The following UBQLN1 variants were observed in gnomAD, a reference collection of about 807,000 sequenced individuals.
The protein encoded by UBQLN1 is ubiquilin 1, also known as ubiquilin-1.
UBQLN1 carries 13 observed loss-of-function variants against 65.4 expected under a neutral mutation model. The ratio of observed to expected loss-of-function variants is 0.20; its 90% CI spans 0.13 to 0.32. The LOEUF is 0.32. Among genes scored for constraint, UBQLN1 ranks in the 10% least tolerant of loss-of-function variants. UBQLN1 has a pLI of 1.00. For missense variants in UBQLN1, 561 were observed against 724.0 expected (o/e 0.77, Z 2.58); for synonymous variants, 267 against 247.8 (o/e 1.08, Z -0.73).
At chr9:83,693,297 C>G (rs1832157963) in intron 1 of UBQLN1, among the ~76,000 whole-genome samples, 1 of 152,192 alleles carries the variant, frequency 6.6e-6, no homozygotes, top group South Asian at 2.1e-4. Context: ...CTCCAGCTAA[C>G]TGAAGGTTAC....
At chr9:83,663,287 T>C (rs1193822971) in intron 10 of UBQLN1, among the ~76,000 whole-genome samples, 3 of 152,178 alleles carry the variant, frequency 2.0e-5, no homozygotes, top group African/African-American at 7.2e-5. Flanking sequence ...AAAACAGGTT[T>C]AAACTGGCGA....
At chr9:83,701,531 G>A (rs903708232) in intron 1 of UBQLN1, among the ~76,000 whole-genome samples, 2 of 152,128 alleles carry the variant, frequency 1.3e-5, no homozygotes, top group Non-Finnish European at 2.9e-5. Context: ...ATAACAAAAA[G>A]CAAATTTGTC....
chr9:83,704,699 C>T (rs755380452), intron 1 of UBQLN1, among the ~76,000 whole-genome samples: 12 of 151,716 alleles, frequency 7.9e-5, no homozygotes, highest in East Asian at 1.9e-4. Flanking sequence ...GTGTGGCATG[C>T]GCCTGTAGTC....
intron 8 of UBQLN1, among the ~76,000 whole-genome samples, chr9:83,665,785 TCTC>T (rs1323637302): frequency 6.6e-6 from 1 of 152,186 alleles, no homozygotes; most frequent in Non-Finnish European, 1.5e-5. Context: ...AAGACTGACT[TCTC>T]TTTTGTCGTT....
intron 1 of UBQLN1, among the ~76,000 whole-genome samples, chr9:83,695,141 GAA>G (rs1832188613): frequency 7.0e-6 from 1 of 142,020 alleles, no homozygotes; most frequent in African/African-American, 2.6e-5. Context: ...TTTCTGGACA[GAA>G]TCACCCAAAA....
chr9:83,696,291 T>G lies in UBQLN1; in HGVS notation c.181-10136A>C, dbSNP rs552375346. Among the ~76,000 whole-genome samples, 19 of 152,318 alleles carry G rather than the reference T, an allele frequency of 1.2e-4. No homozygotes were observed. In the South Asian group the frequency reaches 3.9e-3, roughly 32 times the overall value. ...AATATATCTATCACCTCTCTTATCT[T>G]TTTTGTAGTTGCAGCTGCTGGTACA... On this transcript the variant is annotated intron_variant, in intron 1 of 10. Transcript: ENST00000376395.
intron 6 of UBQLN1, among the ~76,000 whole-genome samples, chr9:83,672,445 T>C (rs1339080772): frequency 2.0e-5 from 3 of 152,216 alleles, no homozygotes; most frequent in Non-Finnish European, 4.4e-5. Context: ...ACTTGAATAC[T>C]TAGAGGCCAC....
At chr9:83,707,197 G>A (rs1014105256) in intron 1 of UBQLN1, among the ~76,000 whole-genome samples, 4 of 152,166 alleles carry the variant, frequency 2.6e-5, no homozygotes, top group African/African-American at 7.2e-5. Context: ...GGAGTTGGAG[G>A]GGAGGCGACG....
Position 83,687,640 on chromosome 9 carries a change from G to A in UBQLN1, c.181-1485C>T, listed in dbSNP as rs1016469547. ...AAAAAATCTTGTGGGGACAAGGAAG[G>A]GAAGGCATATATAAAAAACATGATA... is the stretch of plus-strand genomic sequence containing the variant. On this transcript the variant is annotated intron_variant, in intron 1 of 10. Coordinates refer to ENST00000376395, the MANE Select transcript of UBQLN1 (RefSeq NM_013438.5). Among the ~76,000 whole-genome samples, 3 of 152,056 alleles carry A rather than the reference G, an allele frequency of 2.0e-5. No individual in the cohort carries two copies. The East Asian group carries it at 5.8e-4, about 29-fold the overall frequency.
chr9:83,695,345 C>T (rs1368122413), intron 1 of UBQLN1, among the ~76,000 whole-genome samples: 1 of 151,990 alleles, frequency 6.6e-6, no homozygotes, highest in Non-Finnish European at 1.5e-5. Flanking sequence ...ACTACAGGTG[C>T]TCCCCACCAC....
In UBQLN1 at chr9:83,679,959, T is replaced by C; in HGVS notation, c.527A>G (p.Gln176Arg). The C allele has an allele frequency of 1.2e-6, 2 of 1,614,182 alleles. No individual in the cohort carries two copies. Among genetic ancestry groups the C allele is most frequent in the Non-Finnish European group, 1.7e-6 (2 of 1,180,036 alleles). The change falls in exon 4 of 11, where the codon CAG becomes CGG. Residue 176 changes from glutamine (Q) to arginine (R), a missense_variant. By Grantham distance (43) the Gln-to-Arg change is conservative (BLOSUM62 1). Around this residue, in one of 8 missense-constraint regions of UBQLN1, gnomAD observed 87 missense variants for 88.8 expected, o/e 0.98. Coordinates refer to ENST00000376395, the MANE Select transcript of UBQLN1 (RefSeq NM_013438.5). ...TNFSELQSQM[Q>R]RQLLSNPEMM... ...TTCAGGGTTAGACAAAAGTTGTCGCTGCATCTGACTCTGTAGTTCAGAGAA... is the reference window on the plus strand; with the variant it reads ...TTCAGGGTTAGACAAAAGTTGTCGCCGCATCTGACTCTGTAGTTCAGAGAA...
intron 1 of UBQLN1, among the ~76,000 whole-genome samples, chr9:83,695,947 AT>A (rs35476718): frequency 7.3e-5 from 11 of 149,892 alleles, no homozygotes; most frequent in African/African-American, 2.0e-4. Flanking sequence ...TTTCAAATTA[AT>A]TTTTTTTTTT....
intron 10 of UBQLN1, among the ~76,000 whole-genome samples, chr9:83,662,345 T>C (rs1000624151): frequency 6.6e-6 from 1 of 151,668 alleles, no homozygotes; most frequent in Non-Finnish European, 1.5e-5. Flanking sequence ...TTTGTGTAGC[T>C]ACTGACCAAT....
chr9:83,683,069 A>G lies in UBQLN1; in HGVS notation c.333-3T>C. On this transcript the variant is annotated splice_region_variant and splice_polypyrimidine_tract_variant and intron_variant, in intron 2 of 10. Coordinates refer to ENST00000376395, the MANE Select transcript of UBQLN1 (RefSeq NM_013438.5). The stretch of plus-strand genomic sequence containing the variant: ...GCTGAGCTGAATGATCCTGAGGCCT[A>G]GGGAAAATAATTAATCACAGAGTAA... 2 of 1,598,716 alleles carry G rather than the reference A, an allele frequency of 1.3e-6. No individual in the cohort carries two copies. The highest frequency in any genetic ancestry group is 2.7e-5 in the African/African-American group (2 of 74,686).
At chr9:83,668,094 A>G in intron 7 of UBQLN1, 15 of 985,412 alleles carry the variant, frequency 1.5e-5, no homozygotes, top group Non-Finnish European at 1.8e-5. Context: ...TTTAATACTA[A>G]CAACTCAGTC....
intron 1 of UBQLN1, among the ~76,000 whole-genome samples, chr9:83,700,023 C>G (rs1441678264): frequency 6.6e-6 from 1 of 152,204 alleles, no homozygotes; most frequent in African/African-American, 2.4e-5. Flanking sequence ...AGTGTTTTTC[C>G]TGAAGAACGG....
chr9:83,673,546 TAAAAAAAA>T (rs762494390), intron 6 of UBQLN1, among the ~76,000 whole-genome samples: 7 of 75,570 alleles, frequency 9.3e-5, no homozygotes, highest in South Asian at 9.5e-4. Flanking sequence ...CTCGGTCTTT[TAAAAAAAA>T]AAAAAAAAAA....
rs756567383 is a variant in UBQLN1, at chr9:83,661,948, G to C, written c.1618-9C>G. On this transcript the variant is annotated splice_polypyrimidine_tract_variant and intron_variant, in intron 10 of 10. Transcript: ENST00000376395. The stretch of plus-strand genomic sequence containing the variant: ...ACTTCTGGATTCTGTAGCTATTAAA[G>C]AAAAAAAAAATTAATCCAACTCTAA... The C allele has an allele frequency of 3.3e-6, 5 of 1,525,238 alleles. No individual in the cohort carries two copies. The Admixed American group carries it at 5.9e-5, about 18-fold the overall frequency. 94.5% of individuals were successfully genotyped at this position (1,525,238 alleles called of 1,614,324 possible). A position where few individuals can be genotyped will look rare whatever the true frequency, so the allele number is the denominator to read the frequency against.
intron 1 of UBQLN1, among the ~76,000 whole-genome samples, chr9:83,702,796 G>T (rs1200262209): frequency 1.4e-5 from 2 of 147,232 alleles, no homozygotes; most frequent in African/African-American, 5.4e-5. Flanking sequence ...GTTAAATCAT[G>T]TGTGTGATGA....
Sources: allele counts gnomAD v4.1 joint callset (sites outside exome capture counted in the v4.1 genomes callset), GRCh38; gene constraint gnomAD v4.1.1; regional missense constraint gnomAD v4.1.1; transcripts MANE v1.5; gene names NCBI Gene and HGNC (gene_info 2026-07-23, HGNC 2026-07-21).